GRID2: variants seen among roughly 807,000 people sequenced by gnomAD.
GRID2 encodes the protein glutamate receptor ionotropic, delta-2.
A neutral mutation model predicts 114.8 loss-of-function variants in GRID2; 33 were observed. The observed-to-expected ratio is 0.29, with a 90% CI of 0.22 to 0.38. GRID2 has a LOEUF of 0.38. Ranked by LOEUF, GRID2 falls within the 10% of genes least tolerant of loss-of-function variation. The pLI is 1.00. For synonymous variants in GRID2, 505 were observed against 449.9 expected (o/e 1.12, Z -1.55); for missense variants, 1,184 against 1,257.7 (o/e 0.94, Z 0.89).
intron 1 of GRID2, among the ~76,000 whole-genome samples, chr4:92,536,015 G>T (rs1398881176): frequency 6.6e-6 from 1 of 152,138 alleles, no homozygotes; most frequent in Non-Finnish European, 1.5e-5. Context: ...GCTCATAAAG[G>T]CGTTGCAGAC....
chr4:93,465,776 T>C (rs895410435), intron 11 of GRID2, among the ~76,000 whole-genome samples: 1 of 152,212 alleles, frequency 6.6e-6, no homozygotes, highest in East Asian at 1.9e-4. Context: ...GGAAATATAT[T>C]AGGAAAACTT....
intron 2 of GRID2, among the ~76,000 whole-genome samples, chr4:92,635,427 G>C (rs1398993794): frequency 2.6e-5 from 4 of 152,028 alleles, no homozygotes; most frequent in African/African-American, 9.7e-5. Context: ...TCAAATTTAA[G>C]TATAGGAACA....
chr4:93,475,980 T>G (rs72886235), intron 11 of GRID2, among the ~76,000 whole-genome samples: 11,594 of 152,162 alleles, frequency 0.076, 1,097 homozygotes, highest in African/African-American at 0.22. Context: ...CAATATTTAC[T>G]GTTTCGGTGC....
intron 2 of GRID2, among the ~76,000 whole-genome samples, chr4:92,639,969 A>T (rs1189479535): frequency 6.6e-6 from 1 of 151,752 alleles, no homozygotes; most frequent in Admixed American, 6.6e-5. Flanking sequence ...CTTGAATCTT[A>T]TGATTTCTAA....
intron 14 of GRID2, among the ~76,000 whole-genome samples, chr4:93,749,671 G>T (rs1184800319): frequency 6.6e-6 from 1 of 152,108 alleles, no homozygotes; most frequent in African/African-American, 2.4e-5. Context: ...TAGTCAAATA[G>T]CCACCTCCGC....
chr4:93,002,871 T>G (rs1337615482), intron 2 of GRID2, among the ~76,000 whole-genome samples: 4 of 151,760 alleles, frequency 2.6e-5, no homozygotes, highest in Non-Finnish European at 4.4e-5. Context: ...GGAGAATCCA[T>G]TTCTTCATCT....
chr4:92,633,146 A>T (rs1730893745), intron 2 of GRID2, among the ~76,000 whole-genome samples: 1 of 152,132 alleles, frequency 6.6e-6, no homozygotes, highest in Non-Finnish European at 1.5e-5. Context: ...CTGGTGCATG[A>T]CACACATTCT....
chr4:93,025,203 G>A (rs929176686), intron 2 of GRID2, among the ~76,000 whole-genome samples: 6 of 151,596 alleles, frequency 4.0e-5, no homozygotes, highest in African/African-American at 1.4e-4. Flanking sequence ...CTCCAAATGT[G>A]TTTGGAAACA....
chr4:93,125,357 AATTC>A (rs1462783088), intron 4 of GRID2, among the ~76,000 whole-genome samples: 1 of 151,964 alleles, frequency 6.6e-6, no homozygotes, highest in Non-Finnish European at 1.5e-5. Flanking sequence ...TGAAAAAGCA[AATTC>A]ATTAACTCTG....
intron 2 of GRID2, among the ~76,000 whole-genome samples, chr4:93,008,635 C>T (rs1721808767): frequency 6.6e-6 from 1 of 152,170 alleles, no homozygotes; most frequent in East Asian, 1.9e-4. Flanking sequence ...TGGTAGTAGA[C>T]ATGGCAGTAT....
intron 2 of GRID2, among the ~76,000 whole-genome samples, chr4:93,001,472 C>T (rs1277099377): frequency 6.6e-6 from 1 of 151,640 alleles, no homozygotes; most frequent in African/African-American, 2.4e-5. Flanking sequence ...ATTGTACTAT[C>T]TGCTAGAACT....
downstream of GRID2, chr4:93,774,677 T>C (rs1294135548): frequency 6.6e-6 from 1 of 152,136 alleles, no homozygotes; most frequent in East Asian, 1.9e-4. Context: ...TCACATTAAG[T>C]TTTACTGGCA....
At chr4:92,867,607 G>A (rs1444329384) in intron 2 of GRID2, among the ~76,000 whole-genome samples, 1 of 149,976 alleles carries the variant, frequency 6.7e-6, no homozygotes, top group Non-Finnish European at 1.5e-5. Flanking sequence ...TGCATGTCAA[G>A]CTTTAGAGAA....
intron 14 of GRID2, among the ~76,000 whole-genome samples, chr4:93,759,050 G>C (rs149741444): frequency 6.6e-6 from 1 of 151,856 alleles, no homozygotes; most frequent in African/African-American, 2.4e-5. Flanking sequence ...TCATTACCCT[G>C]ATTATCTATT....
intron 2 of GRID2, among the ~76,000 whole-genome samples, chr4:92,663,195 T>C (rs2149270530): frequency 6.6e-6 from 1 of 151,164 alleles, no homozygotes; most frequent in East Asian, 1.9e-4. Context: ...GACAAAAATA[T>C]GAAATGACAA....
chr4:93,461,552 C>A (rs138322827), intron 11 of GRID2, among the ~76,000 whole-genome samples: 1 of 152,048 alleles, frequency 6.6e-6, no homozygotes, highest in Admixed American at 6.6e-5. Flanking sequence ...AAAGAGTTCA[C>A]GGACAGCCAA....
At chr4:93,098,824 A>G (rs532263122) in intron 3 of GRID2, among the ~76,000 whole-genome samples, 1 of 152,080 alleles carries the variant, frequency 6.6e-6, no homozygotes, top group African/African-American at 2.4e-5. Flanking sequence ...ACAGTTTATT[A>G]TGATAATGAT....
At chr4:92,778,524 G>C (rs1169087539) in intron 2 of GRID2, among the ~76,000 whole-genome samples, 1 of 151,902 alleles carries the variant, frequency 6.6e-6, no homozygotes, top group Non-Finnish European at 1.5e-5. Flanking sequence ...TTTGACAACG[G>C]TTTTACGACA....
intron 1 of GRID2, among the ~76,000 whole-genome samples, chr4:92,361,036 T>A (rs1728593941): frequency 6.6e-6 from 1 of 152,058 alleles, no homozygotes; most frequent in African/African-American, 2.4e-5. Context: ...TTTGTAATTA[T>A]TTTTATTTAT....
Sources: gnomAD v4.1 joint callset for allele counts (sites outside exome capture counted in the v4.1 genomes callset) on GRCh38, gnomAD v4.1.1 for gene constraint, MANE v1.5 for transcripts, NCBI Gene and HGNC (gene_info 2026-07-23, HGNC 2026-07-21) for gene names.